The following ASIC2 variants were observed in gnomAD, a reference collection of about 807,000 sequenced individuals.
ASIC2 encodes the protein acid-sensing ion channel 2.
In ASIC2, 25 loss-of-function variants were observed where a neutral mutation model predicts 57.3. The ratio of observed to expected loss-of-function variants is 0.44; its 90% confidence interval spans 0.32 to 0.61. ASIC2 has a LOEUF of 0.61. Ranked by LOEUF, ASIC2 falls within the 20% of genes least tolerant of loss-of-function variation. The pLI, the probability that ASIC2 is intolerant of heterozygous loss-of-function variation, is 0.06. For synonymous variants in ASIC2, 319 were observed against 307.5 expected (o/e 1.04, Z -0.39); for missense variants, 641 against 738.1 (o/e 0.87, Z 1.52).
chr17:34,037,605 G>A, intron 1 of ASIC2: 1 of 1,564,406 alleles, frequency 6.4e-7, no homozygotes, highest in East Asian at 2.2e-5. Context: ...AACAGTTTGT[G>A]GCCTTGGAGT....
intron 1 of ASIC2, among the ~76,000 whole-genome samples, chr17:33,162,562 G>A (rs1358359832): frequency 6.6e-6 from 1 of 152,126 alleles, no homozygotes; most frequent in African/African-American, 2.4e-5. Context: ...ACTCCCAGCT[G>A]TAGGCTGAGC....
At chr17:33,322,310 G>T (rs1317988805) in intron 1 of ASIC2, among the ~76,000 whole-genome samples, 2 of 152,134 alleles carry the variant, frequency 1.3e-5, no homozygotes, top group African/African-American at 2.4e-5. Context: ...AAAGCCAGTT[G>T]GAAGGAAGAT....
intron 1 of ASIC2, among the ~76,000 whole-genome samples, chr17:33,341,419 C>A (rs189765333): frequency 1.3e-5 from 2 of 152,288 alleles, no homozygotes; most frequent in African/African-American, 4.8e-5. Context: ...CAGGAGTTGG[C>A]AAACCGTGAC....
chr17:33,977,692 C>T (rs2142002067), intron 1 of ASIC2, among the ~76,000 whole-genome samples: 1 of 152,298 alleles, frequency 6.6e-6, no homozygotes, highest in Middle Eastern at 3.4e-3. Context: ...TTTACTTTCC[C>T]CTTCCCTCTG....
intron 1 of ASIC2, among the ~76,000 whole-genome samples, chr17:33,640,343 T>A (rs1246889899): frequency 6.6e-6 from 1 of 152,148 alleles, no homozygotes; most frequent in African/African-American, 2.4e-5. Flanking sequence ...GAATTAAGAA[T>A]GCACACCCAC....
chr17:33,995,696 G>A (rs549676244), intron 1 of ASIC2, among the ~76,000 whole-genome samples: 31 of 151,998 alleles, frequency 2.0e-4, no homozygotes, highest in Non-Finnish European at 3.8e-4. Context: ...ACAAATGCAC[G>A]TATATATACC....
At chr17:33,016,593 TG>T (rs560097590) in intron 8 of ASIC2, among the ~76,000 whole-genome samples, 162 of 152,250 alleles carry the variant, frequency 1.1e-3, no homozygotes, top group Admixed American at 2.0e-3. Flanking sequence ...GAATAAAATC[TG>T]GCCATGGGAA....
chr17:33,959,208 C>T (rs1010585497), intron 1 of ASIC2, among the ~76,000 whole-genome samples: 2 of 152,210 alleles, frequency 1.3e-5, no homozygotes, highest in Non-Finnish European at 2.9e-5. Flanking sequence ...AACTTTCCCA[C>T]ATTTTCCTAT....
At chr17:33,684,360 G>A (rs1392479479) in intron 1 of ASIC2, among the ~76,000 whole-genome samples, 3 of 152,062 alleles carry the variant, frequency 2.0e-5, no homozygotes, top group Non-Finnish European at 4.4e-5. Context: ...TCATTTTAGA[G>A]CTGACTACCC....
At chr17:33,471,479 A>C (rs1359609727) in intron 1 of ASIC2, among the ~76,000 whole-genome samples, 1 of 152,148 alleles carries the variant, frequency 6.6e-6, no homozygotes, top group East Asian at 1.9e-4. Flanking sequence ...TGAAGAGATA[A>C]ATTGGATTTG....
intron 1 of ASIC2, among the ~76,000 whole-genome samples, chr17:33,545,486 G>A (rs1230747146): frequency 6.6e-6 from 1 of 152,078 alleles, no homozygotes; most frequent in Admixed American, 6.6e-5. Context: ...TTTCTACTGT[G>A]CTCTATTTTT....
chr17:33,650,612 A>G lies in ASIC2; in HGVS notation c.555+505366T>C, dbSNP rs144695272. On this transcript the variant is annotated intron_variant, in intron 1 of 9. Transcript: ENST00000359872. Reference sequence around the variant, plus strand: ...AATGGATGGTTAAACAAATTGTGGTATCTCCATATTATAAAATACTTCCTG... The same window carrying G: ...AATGGATGGTTAAACAAATTGTGGTGTCTCCATATTATAAAATACTTCCTG... Among the ~76,000 whole-genome samples, 866 of 152,350 alleles carry G rather than the reference A, an allele frequency of 5.7e-3. 1 individual carries two copies. Among genetic ancestry groups the G allele is most frequent in the Middle Eastern group, 0.017 (5 of 294 alleles).
At chr17:33,193,024 G>A (rs1906487466) in intron 1 of ASIC2, among the ~76,000 whole-genome samples, 1 of 152,178 alleles carries the variant, frequency 6.6e-6, no homozygotes. Flanking sequence ...CTAAGCAACT[G>A]AATTGTTCAC....
chr17:33,336,953 G>A (rs1597688599), intron 1 of ASIC2, among the ~76,000 whole-genome samples: 1 of 152,136 alleles, frequency 6.6e-6, no homozygotes, highest in East Asian at 1.9e-4. Flanking sequence ...AATATTCCTA[G>A]AGCAGAGAAG....
intron 1 of ASIC2, among the ~76,000 whole-genome samples, chr17:33,372,978 G>A (rs528769584): frequency 9.2e-4 from 140 of 152,312 alleles, no homozygotes; most frequent in Non-Finnish European, 1.6e-3. Context: ...GGGTTAGGGC[G>A]TGGGAACACC....
intron 1 of ASIC2, chr17:34,038,893 C>T (rs1463386504): frequency 3.1e-6 from 5 of 1,612,640 alleles, no homozygotes; most frequent in Non-Finnish European, 4.2e-6. Context: ...GTGAATTTAT[C>T]CTTTCCTGTT....
At chr17:33,381,360 C>T (rs1189825022) in intron 1 of ASIC2, among the ~76,000 whole-genome samples, 1 of 152,242 alleles carries the variant, frequency 6.6e-6, no homozygotes, top group Non-Finnish European at 1.5e-5. Context: ...ACTTTCTTTG[C>T]TCAGGCGCTG....
At chr17:34,113,587 T>C (rs4795865) in intron 1 of ASIC2, among the ~76,000 whole-genome samples, 2,390 of 148,318 alleles carry the variant, frequency 0.016, 58 homozygotes, top group East Asian at 0.059. Context: ...AGGAAGAAGA[T>C]GAAAATTAAG....
At chr17:33,220,810 G>A (rs1371206731) in intron 1 of ASIC2, among the ~76,000 whole-genome samples, 1 of 152,128 alleles carries the variant, frequency 6.6e-6, no homozygotes, top group Non-Finnish European at 1.5e-5. Flanking sequence ...GCTCATACCT[G>A]TAATCCCAGT....
Sources: gnomAD v4.1 joint callset for allele counts (sites outside exome capture counted in the v4.1 genomes callset) on GRCh38, gnomAD v4.1.1 for gene constraint, MANE v1.5 for transcripts, NCBI Gene and HGNC (gene_info 2026-07-23, HGNC 2026-07-21) for gene names.